Variants in STON1 observed in about 807,000 individuals in gnomAD.
The protein encoded by STON1 is stonin-1.
STON1 carries 79 observed loss-of-function variants against 60.9 expected under a neutral mutation model. That is an observed-to-expected ratio of 1.30 (90% CI 1.08 to 1.56). The LOEUF (loss-of-function observed/expected upper bound fraction) is 1.56, where lower values mean the gene tolerates loss of function less well. Ranked by LOEUF, STON1 falls within the 40% of genes most tolerant of loss-of-function variation. The pLI is 0.00. For missense variants in STON1, 1,166 were observed against 858.9 expected (o/e 1.36, Z -4.47); for synonymous variants, 363 against 306.9 (o/e 1.18, Z -1.91).
At chr2:48,592,656 T>A (rs1674590545) in intron 3 of STON1, among the ~76,000 whole-genome samples, 1 of 151,092 alleles carries the variant, frequency 6.6e-6, no homozygotes, top group South Asian at 2.1e-4. Context: ...AGATGGGGTT[T>A]TGCCATGTTG....
chr2:48,560,750 G>A (rs537683659), intron 1 of STON1, among the ~76,000 whole-genome samples: 57 of 152,188 alleles, frequency 3.7e-4, no homozygotes, highest in Admixed American at 3.7e-3. Context: ...GGAGCTGGGC[G>A]AGAGGGTGGG....
intron 1 of STON1, among the ~76,000 whole-genome samples, chr2:48,559,375 G>C (rs975363120): frequency 1.3e-5 from 2 of 152,170 alleles, no homozygotes; most frequent in Admixed American, 1.3e-4. Flanking sequence ...CTGAGGTCCT[G>C]TTCCTCACAG....
At chr2:48,534,018 C>T (rs568243032) in intron 1 of STON1, among the ~76,000 whole-genome samples, 2 of 152,238 alleles carry the variant, frequency 1.3e-5, no homozygotes, top group East Asian at 1.9e-4. Context: ...ATCCGCCAGC[C>T]TCAGCCTCCC....
At chr2:48,536,947 A>T (rs1463398684) in intron 1 of STON1, among the ~76,000 whole-genome samples, 2 of 152,186 alleles carry the variant, frequency 1.3e-5, no homozygotes, top group African/African-American at 2.4e-5. Flanking sequence ...AGAAAGAAAC[A>T]TTGCTGATTT....
chr2:48,574,340 C>T lies in STON1; in HGVS notation c.-47-6247C>T, dbSNP rs966754374. On this transcript the variant is annotated intron_variant, in intron 1 of 3. Coordinates refer to ENST00000404752, the MANE Select transcript of STON1 (RefSeq NM_006873.4). ...GCAGTGAGTCGAGATCGTGCCACTG[C>T]ACTCCAACCTGAGCGACAGAGTGCA... Among the ~76,000 whole-genome samples the T allele has an allele frequency of 1.5e-4, 22 of 150,760 alleles. No individual in the cohort carries two copies. In the East Asian group the frequency reaches 1.6e-3, roughly 11 times the overall value.
rs532329923 is a variant in STON1 at position 48,564,895 on chromosome 2, G to C, written c.-47-15692G>C. Among the ~76,000 whole-genome samples the C allele has an allele frequency of 1.0e-3, 151 of 149,592 alleles. 1 individual carries two copies. Among genetic ancestry groups the C allele is most frequent in the African/African-American group, 3.5e-3 (141 of 40,678 alleles). On this transcript the variant is annotated intron_variant, in intron 1 of 3. Coordinates refer to ENST00000404752, the MANE Select transcript of STON1 (RefSeq NM_006873.4). The stretch of plus-strand genomic sequence containing the variant: ...TTACAGGCGTGCACCACCACGCCCG[G>C]CTAATTTTTGTATTTTTAGTAGAGA...
chr2:48,541,088 G>C (rs1671630883), intron 1 of STON1, among the ~76,000 whole-genome samples: 1 of 151,930 alleles, frequency 6.6e-6, no homozygotes, highest in African/African-American at 2.4e-5. Flanking sequence ...AGTGGCTCAC[G>C]CCTGTAATCC....
chr2:48,582,248 G>T lies in STON1; in HGVS notation c.1615G>T (p.Ala539Ser). 1.9e-6 allele frequency: 3 copies of T among 1,614,184 alleles called. No homozygotes were observed. The highest frequency in any genetic ancestry group is 8.5e-7 in the Non-Finnish European group (1 of 1,180,042). ...SLKSVVVVQG[A>S]YVELQAFVNM... The stretch of plus-strand genomic sequence containing the variant: ...GAAGTCTGTAGTGGTTGTCCAGGGA[G>T]CATACGTGGAACTTCAGGCTTTTGT... Residue 539 changes from alanine to serine, a missense_variant, in exon 2 of 4, where the codon GCA becomes TCA. Coordinates refer to ENST00000404752, the MANE Select transcript of STON1 (RefSeq NM_006873.4).
intron 1 of STON1, among the ~76,000 whole-genome samples, chr2:48,540,690 G>A (rs1306035686): frequency 6.6e-6 from 1 of 152,174 alleles, no homozygotes; most frequent in Admixed American, 6.5e-5. Flanking sequence ...ACCCAAAGAC[G>A]GCGCTCTTGA....
chr2:48,578,581 CTTTTTT>C (rs59933765), intron 1 of STON1, among the ~76,000 whole-genome samples: 9 of 46,170 alleles, frequency 1.9e-4, no homozygotes, highest in East Asian at 9.4e-4. Flanking sequence ...CTCCTCCTTC[CTTTTTT>C]TTTTTTTTTT....
At position 48,588,963 on chromosome 2, in the gene STON1, A is replaced by G. The variant is rs114493925; in HGVS notation, c.1931-2690A>G. 3.7e-3 allele frequency among the ~76,000 whole-genome samples: 569 copies of G among 152,260 alleles called. 5 individuals are homozygous for G. Among genetic ancestry groups the G allele is most frequent in the African/African-American group, 0.013 (523 of 41,544 alleles). ...GAGGAGCTTAGGCTTTGTTGGGGTGATAGAGAGAGAAAGAGAAAGGAAGAA... is the reference window on the plus strand; with the variant it reads ...GAGGAGCTTAGGCTTTGTTGGGGTGGTAGAGAGAGAAAGAGAAAGGAAGAA... On this transcript the variant is annotated intron_variant, in intron 2 of 3. Coordinates refer to ENST00000404752, the MANE Select transcript of STON1 (RefSeq NM_006873.4).
At chr2:48,550,925 C>A (rs1672075360) in intron 1 of STON1, among the ~76,000 whole-genome samples, 3 of 151,984 alleles carry the variant, frequency 2.0e-5, no homozygotes, top group Admixed American at 2.0e-4. Flanking sequence ...TCTAAGTGAG[C>A]AATTGTATGG....
intron 1 of STON1, among the ~76,000 whole-genome samples, chr2:48,548,698 C>G (rs4953591): frequency 0.81 from 123,416 of 151,838 alleles, 50,294 homozygotes; most frequent in Middle Eastern, 0.92. Context: ...GGGGGTTTCA[C>G]CATGTTGCCC....
In STON1 at chr2:48,564,405, G is replaced by GTCTTCTTCTTCT. The variant is rs1241898892; in HGVS notation, c.-47-16117_-47-16106dup. ...TAGGTCCTCCAGTGGCAGTGGCGGTGTCTTCTTCTTCTTCTTCTTCTTCTT... is the reference window on the plus strand; with the variant it reads ...TAGGTCCTCCAGTGGCAGTGGCGGTGTCTTCTTCTTCTTCTTCTTCTTCTTCTTCTTCTTCTT... On this transcript the variant is annotated intron_variant, in intron 1 of 3. Coordinates refer to ENST00000404752, the MANE Select transcript of STON1 (RefSeq NM_006873.4). Among the ~76,000 whole-genome samples, 49 of 82,870 alleles carry GTCTTCTTCTTCT rather than the reference G, an allele frequency of 5.9e-4. 1 individual carries two copies. Among genetic ancestry groups the GTCTTCTTCTTCT allele is most frequent in the East Asian group, 8.8e-4 (2 of 2,270 alleles). 54.4% of individuals were successfully genotyped at this position (82,870 alleles called of 152,430 possible). A position where few individuals can be genotyped will look rare whatever the true frequency, so the allele number is the denominator to read the frequency against.
intron 1 of STON1, among the ~76,000 whole-genome samples, chr2:48,570,567 C>T (rs1283570475): frequency 1.3e-5 from 2 of 152,058 alleles, no homozygotes; most frequent in African/African-American, 2.4e-5. Context: ...TGCCATTTGT[C>T]ACACATATTG....
intron 2 of STON1, among the ~76,000 whole-genome samples, chr2:48,585,232 T>C (rs1558642676): frequency 6.8e-6 from 1 of 147,682 alleles, no homozygotes; most frequent in East Asian, 2.0e-4. Context: ...TCCACTGAGA[T>C]GATGTTTCCT....
intron 1 of STON1, among the ~76,000 whole-genome samples, chr2:48,543,098 C>T (rs557494994): frequency 2.3e-4 from 35 of 151,596 alleles, no homozygotes; most frequent in South Asian, 4.2e-4. Context: ...CTTCAGCCTC[C>T]TGAGTAGCTG....
chr2:48,581,072 C>T lies in STON1; in HGVS notation c.439C>T (p.Pro147Ser), dbSNP rs1437847296. 6.3e-7 allele frequency: 1 copy of T among 1,598,390 alleles called. No individual in the cohort carries two copies. The change falls in exon 2 of 4, where the codon CCC becomes TCC. Residue 147 changes from proline (P) to serine (S), a missense_variant. Coordinates refer to ENST00000404752, the MANE Select transcript of STON1 (RefSeq NM_006873.4). ...PSDHSCTHPT[P>S]KVGLPDEVNP... ...TGACCACTCATGTACACATCCAACT[C>T]CCAAAGTAGGTCTTCCAGATGAAGT...
intron 1 of STON1, chr2:48,532,037 C>G (rs891261952): frequency 9.4e-6 from 1 of 106,328 alleles, no homozygotes; most frequent in African/African-American, 3.2e-5. Context: ...GGTCTCAAAA[C>G]ATCATTAAGG....
Sources: allele counts gnomAD v4.1 joint callset (sites outside exome capture counted in the v4.1 genomes callset), GRCh38; gene constraint gnomAD v4.1.1; transcripts MANE v1.5; gene names NCBI Gene and HGNC (gene_info 2026-07-23, HGNC 2026-07-21).